SLFN5: variants seen among roughly 807,000 people sequenced by gnomAD.
The protein encoded by SLFN5 is schlafen family member 5.
SLFN5 carries 34 observed loss-of-function variants against 48.5 expected under a neutral mutation model. The ratio of observed to expected loss-of-function variants is 0.70; its 90% confidence interval spans 0.53 to 0.93. The LOEUF is 0.93. Among genes scored for constraint, SLFN5 ranks in the 40% least tolerant of loss-of-function variants. The pLI, the probability that SLFN5 is intolerant of heterozygous loss-of-function variation, is 0.00. For synonymous variants in SLFN5, 387 were observed against 396.2 expected (o/e 0.98, Z 0.28); for missense variants, 1,006 against 1,071.3 (o/e 0.94, Z 0.85).
intron 1 of SLFN5, among the ~76,000 whole-genome samples, chr17:35,243,924 A>C (rs944417118): frequency 6.6e-6 from 1 of 152,158 alleles, no homozygotes; most frequent in Non-Finnish European, 1.5e-5. Flanking sequence ...AATCCACCCT[A>C]ACAAAAAGAA....
chr17:35,244,104 T>G (rs1002447092), intron 1 of SLFN5, among the ~76,000 whole-genome samples: 1 of 152,186 alleles, frequency 6.6e-6, no homozygotes, highest in African/African-American at 2.4e-5. Context: ...AAAATTTTTT[T>G]CTTGACTCTG....
chr17:35,249,093 T>C (rs2092436801), intron 1 of SLFN5, among the ~76,000 whole-genome samples: 1 of 152,214 alleles, frequency 6.6e-6, no homozygotes, highest in African/African-American at 2.4e-5. Flanking sequence ...AGGAAATACC[T>C]TCCAACACAT....
Position 35,260,400 on chromosome 17 carries a change from A to G in SLFN5, c.1013-571A>G, listed in dbSNP as rs115626672. Among the ~76,000 whole-genome samples the G allele has an allele frequency of 6.0e-3, 907 of 152,322 alleles. 14 individuals are homozygous for G. Among genetic ancestry groups the G allele is most frequent in the African/African-American group, 0.021 (877 of 41,564 alleles). On this transcript the variant is annotated intron_variant, in intron 2 of 4. Transcript: ENST00000299977. Reference sequence around the variant, plus strand: ...TATCCATTGGCCTTTGCATCTTCTCATCATTTTTCTTTAAAAAGTAGCATT... The same window carrying G: ...TATCCATTGGCCTTTGCATCTTCTCGTCATTTTTCTTTAAAAAGTAGCATT...
rs753686463 is a variant in SLFN5 at position 35,265,059 on chromosome 17, CTG to C, written c.1860-11_1860-10del. On this transcript the variant is annotated splice_polypyrimidine_tract_variant and intron_variant, in intron 4 of 4. Coordinates refer to ENST00000299977, the MANE Select transcript of SLFN5 (RefSeq NM_144975.4). ...TGTTTCATTGGGGAAAAACCTGACTCTGTTTCTTACAGTTTCAGCAAGAAAAA... is the reference window on the plus strand; with the variant it reads ...TGTTTCATTGGGGAAAAACCTGACTCTTTCTTACAGTTTCAGCAAGAAAAA... 8.8e-6 allele frequency: 14 copies of C among 1,596,718 alleles called. No individual in the cohort carries two copies. The highest frequency in any genetic ancestry group is 3.4e-4 in the Middle Eastern group (2 of 5,962).
chr17:35,248,229 T>C (rs1374850508), intron 1 of SLFN5, among the ~76,000 whole-genome samples: 3 of 152,218 alleles, frequency 2.0e-5, no homozygotes, highest in African/African-American at 7.2e-5. Flanking sequence ...ACATTTGACT[T>C]GAACAAAATT....
At position 35,250,857 on chromosome 17, in the gene SLFN5, C is replaced by G. The variant is rs554820733; in HGVS notation, c.-41+7714C>G. 2.6e-5 allele frequency among the ~76,000 whole-genome samples: 4 copies of G among 152,232 alleles called. No homozygotes were observed. In the East Asian group the frequency reaches 7.7e-4, roughly 29 times the overall value. ...GCTAAATTACAATTTTACCAAAACACAATTCATTATTTGAAGTAAACCTCT... is the reference window on the plus strand; with the variant it reads ...GCTAAATTACAATTTTACCAAAACAGAATTCATTATTTGAAGTAAACCTCT... On this transcript the variant is annotated intron_variant, in intron 1 of 4. Transcript: ENST00000299977.
At chr17:35,253,359 ACT>A (rs57385773) in intron 1 of SLFN5, among the ~76,000 whole-genome samples, 8 of 150,036 alleles carry the variant, frequency 5.3e-5, no homozygotes, top group South Asian at 2.1e-4. Flanking sequence ...ACTGTATAGC[ACT>A]CTCTCTCTCT....
rs117876010 is a variant in SLFN5, at chr17:35,243,214, A to G, written c.-41+71A>G. 5.2e-5 allele frequency: 8 copies of G among 152,482 alleles called. No homozygotes were observed. The East Asian group carries it at 5.8e-4, about 11-fold the overall frequency. The allele number at this position is 152,482 out of a possible 1,614,324, so 9.4% of individuals were successfully genotyped here. A position where few individuals can be genotyped will look rare whatever the true frequency, so the allele number is the denominator to read the frequency against. On this transcript the variant is annotated intron_variant, in intron 1 of 4. Transcript: ENST00000299977. ...CCCCCCGGTCTGCGCGGGTTCTCCT[A>G]TTGGGCTGTGGTGAAGACAAGGTGC...
Position 35,270,637 on chromosome 17 carries a change from C to T in SLFN5, c.*4749C>T, listed in dbSNP as rs925528202. On this transcript the variant is annotated 3_prime_UTR_variant, in exon 5 of 5. Coordinates refer to ENST00000299977, the MANE Select transcript of SLFN5 (RefSeq NM_144975.4). ...AAGCCTAGAACTAAAAAACCCATACCTCAGGGTTTGTCAGCATTGGCACTG... is the reference window on the plus strand; with the variant it reads ...AAGCCTAGAACTAAAAAACCCATACTTCAGGGTTTGTCAGCATTGGCACTG... 1 of 152,222 alleles carries T rather than the reference C, an allele frequency of 6.6e-6. No individual in the cohort carries two copies. Among genetic ancestry groups the T allele is most frequent in the South Asian group, 2.1e-4 (1 of 4,830 alleles). The allele number at this position is 152,222 out of a possible 1,614,324, so 9.4% of individuals were successfully genotyped here.
rs933805888 is a variant in SLFN5, at chr17:35,265,696, G to C, written c.2484G>C (p.Gln828His). The C allele has an allele frequency of 5.6e-6, 9 of 1,614,106 alleles. No homozygotes were observed. In the African/African-American group the frequency reaches 1.2e-4, roughly 22 times the overall value. ...ATGAGGAGTCTGATCTGTTACTACA[G>C]ATCGGTGATGCGTCGGATGTTCTAA... ...QLHEESDLLL[Q>H]IGDASDVLTD... The change falls in exon 5 of 5, where the codon CAG (glutamine) becomes CAC (histidine). Residue 828 changes from glutamine (Q) to histidine (H), a missense_variant. Physicochemically the swap from Gln to His is conservative, Grantham distance 24. Coordinates refer to ENST00000299977, the MANE Select transcript of SLFN5 (RefSeq NM_144975.4).
intron 1 of SLFN5, among the ~76,000 whole-genome samples, chr17:35,254,519 C>G (rs578013978): frequency 1.3e-5 from 2 of 152,364 alleles, no homozygotes; most frequent in South Asian, 4.1e-4. Context: ...TCTGAAATCT[C>G]AGTTCACAGT....
At chr17:35,261,371 C>G (rs1458751971) in intron 3 of SLFN5, among the ~76,000 whole-genome samples, 1 of 152,020 alleles carries the variant, frequency 6.6e-6, no homozygotes, top group African/African-American at 2.4e-5. Context: ...CAAAATATAC[C>G]TTAAAGAAAG....
At chr17:35,250,277 C>T (rs1314950501) in intron 1 of SLFN5, among the ~76,000 whole-genome samples, 1 of 152,180 alleles carries the variant, frequency 6.6e-6, no homozygotes, top group Non-Finnish European at 1.5e-5. Flanking sequence ...ACTTTTCTGC[C>T]TTTGCCTTGG....
intron 3 of SLFN5, among the ~76,000 whole-genome samples, chr17:35,263,872 T>G (rs560288824): frequency 6.8e-6 from 1 of 147,826 alleles, no homozygotes; most frequent in Non-Finnish European, 1.5e-5. Context: ...TCAGCTCAGG[T>G]GTTTCCTTCT....
rs35160124 is a variant in SLFN5, at chr17:35,266,177, T to TGTGCGC, written c.*290_*291insTGCGCG. ...GTGTGTGTGTGTGTGTGTGTGTGTG[T>TGTGCGC]GCGCGCGCGCACGTGCACATGTGTG... On this transcript the variant is annotated 3_prime_UTR_variant, in exon 5 of 5. Transcript: ENST00000299977. The TGTGCGC allele has an allele frequency of 0.037, 6,406 of 173,064 alleles. 116 individuals carry two copies. The highest frequency in any genetic ancestry group is 0.069 in the East Asian group (506 of 7,296). 10.7% of individuals were successfully genotyped at this position (173,064 alleles called of 1,614,324 possible).
At position 35,264,560 on chromosome 17, in the gene SLFN5, G is replaced by A. The variant is rs760908289; in HGVS notation, c.1516G>A (p.Val506Ile). Residue 506 changes from valine (V) to isoleucine (I), a missense_variant, in exon 4 of 5, where the codon GTT (valine) becomes ATT (isoleucine). Coordinates refer to ENST00000299977, the MANE Select transcript of SLFN5 (RefSeq NM_144975.4). The stretch of plus-strand genomic sequence containing the variant: ...GAATTCTGATAGAAAAGCACAGAGC[G>A]TTTACAGTTCGTATTTACAAATTTA... ...VLNSDRKAQS[V>I]YSSYLQIYPE... 1.1e-5 allele frequency: 17 copies of A among 1,614,030 alleles called. No individual in the cohort carries two copies. Among genetic ancestry groups the A allele is most frequent in the East Asian group, 2.2e-5 (1 of 44,898 alleles).
At position 35,258,674 on chromosome 17, in the gene SLFN5, G is replaced by T. The variant is rs764984254; in HGVS notation, c.-17G>T. On this transcript the variant is annotated 5_prime_UTR_variant, in exon 2 of 5. It adds an upstream start codon to the 5' untranslated region. Transcript: ENST00000299977. ...AGGAGAACATTTCAGGATAGGAATA[G>T]GCCAAGTGCTGAGAAGATGAGTCTT... The T allele has an allele frequency of 1.2e-6, 2 of 1,603,464 alleles. No individual in the cohort carries two copies. Among genetic ancestry groups the T allele is most frequent in the South Asian group, 1.1e-5 (1 of 90,038 alleles).
intron 1 of SLFN5, among the ~76,000 whole-genome samples, chr17:35,246,579 G>A (rs1231327809): frequency 1.3e-5 from 2 of 152,200 alleles, no homozygotes; most frequent in African/African-American, 4.8e-5. Flanking sequence ...TCTAGGCCAG[G>A]TGCAGTGGCT....
chr17:35,261,842 A>AT lies in SLFN5; in HGVS notation c.1138+754dup, dbSNP rs532160679. ...AGGCGCATGCCACCACACCCAGCTA[A>AT]TTTTTTTTGCATTTTCAGTAGAGAC... On this transcript the variant is annotated intron_variant, in intron 3 of 4. Coordinates refer to ENST00000299977, the MANE Select transcript of SLFN5 (RefSeq NM_144975.4). Among the ~76,000 whole-genome samples the AT allele has an allele frequency of 3.6e-3, 542 of 150,360 alleles. 4 individuals carry two copies. Among genetic ancestry groups the AT allele is most frequent in the Non-Finnish European group, 5.7e-3 (388 of 67,588 alleles).
Sources: gnomAD v4.1 joint callset for allele counts (sites outside exome capture counted in the v4.1 genomes callset) on GRCh38, gnomAD v4.1.1 for gene constraint, MANE v1.5 for transcripts, NCBI Gene and HGNC (gene_info 2026-07-23, HGNC 2026-07-21) for gene names.